The following KCNH1 variants were observed in gnomAD, a reference collection of about 807,000 sequenced individuals.
KCNH1 encodes the protein voltage-gated delayed rectifier potassium channel KCNH1.
A neutral mutation model predicts 69.2 loss-of-function variants in KCNH1; 27 were observed. The observed-to-expected ratio is 0.39, with a 90% CI of 0.29 to 0.54. The LOEUF (loss-of-function observed/expected upper bound fraction) is 0.54. Among genes scored for constraint, KCNH1 ranks in the 20% least tolerant of loss-of-function variants. KCNH1 has a pLI of 0.68. For missense variants in KCNH1, 798 were observed against 1,261.6 expected (o/e 0.63, Z 5.57); for synonymous variants, 456 against 487.7 (o/e 0.93, Z 0.86).
intron 7 of KCNH1, among the ~76,000 whole-genome samples, chr1:210,871,408 G>A (rs1418607994): frequency 6.6e-6 from 1 of 152,218 alleles, no homozygotes; most frequent in Non-Finnish European, 1.5e-5. Context: ...AACAACAACT[G>A]CTGGAGAGGA....
intron 7 of KCNH1, among the ~76,000 whole-genome samples, chr1:210,908,500 C>T (rs186397516): frequency 3.9e-5 from 6 of 152,108 alleles, no homozygotes; most frequent in Non-Finnish European, 8.8e-5. Flanking sequence ...GCCTGTGCCC[C>T]GCCTCTCTGC....
intron 10 of KCNH1, among the ~76,000 whole-genome samples, chr1:210,687,363 C>T (rs1293950404): frequency 6.6e-6 from 1 of 152,194 alleles, no homozygotes; most frequent in African/African-American, 2.4e-5. Context: ...GAGTGGTCGA[C>T]GTGGGCAGTT....
intron 7 of KCNH1, among the ~76,000 whole-genome samples, chr1:210,812,037 A>G (rs1042406217): frequency 6.6e-6 from 1 of 152,186 alleles, no homozygotes; most frequent in Non-Finnish European, 1.5e-5. Flanking sequence ...ACAAGATCCC[A>G]GGTGATACTT....
intron 10 of KCNH1, among the ~76,000 whole-genome samples, chr1:210,694,186 A>T (rs1213919211): frequency 6.6e-6 from 1 of 150,570 alleles, no homozygotes; most frequent in Non-Finnish European, 1.5e-5. Flanking sequence ...AATGAAGACC[A>T]TGCCGGTAAA....
At chr1:210,807,654 T>C (rs948716417) in intron 7 of KCNH1, among the ~76,000 whole-genome samples, 7 of 151,918 alleles carry the variant, frequency 4.6e-5, no homozygotes, top group Admixed American at 4.6e-4. Flanking sequence ...ATAATAATAA[T>C]GTTACAGAAA....
chr1:210,843,251 T>C (rs1398083266), intron 7 of KCNH1, among the ~76,000 whole-genome samples: 4 of 152,198 alleles, frequency 2.6e-5, no homozygotes, highest in Non-Finnish European at 5.9e-5. Flanking sequence ...GTGGCGCTTC[T>C]AGACCACTGG....
At chr1:210,987,904 A>G (rs4951700) in intron 6 of KCNH1, among the ~76,000 whole-genome samples, 108,099 of 152,118 alleles carry the variant, frequency 0.71, 39,363 homozygotes, top group African/African-American at 0.87. Flanking sequence ...AGGCAGGCAG[A>G]CCTCCTTGAG....
intron 6 of KCNH1, among the ~76,000 whole-genome samples, chr1:211,017,044 AC>A (rs1689505670): frequency 1.3e-5 from 2 of 151,990 alleles, no homozygotes; most frequent in East Asian, 3.9e-4. Context: ...CACACAAGCT[AC>A]CCCAGAGAAT....
intron 5 of KCNH1, among the ~76,000 whole-genome samples, chr1:211,057,630 C>T (rs780952512): frequency 6.6e-6 from 1 of 151,382 alleles, no homozygotes; most frequent in African/African-American, 2.4e-5. Flanking sequence ...CAGAGAAAGA[C>T]CCTGTCCCAA....
chr1:210,685,829 C>T (rs1327057093), intron 10 of KCNH1, among the ~76,000 whole-genome samples: 1 of 152,150 alleles, frequency 6.6e-6, no homozygotes, highest in Non-Finnish European at 1.5e-5. Flanking sequence ...TTTATAGTGC[C>T]CAACACAGAG....
chr1:210,993,962 AAAAG>A (rs1235251587), intron 6 of KCNH1, among the ~76,000 whole-genome samples: 1 of 146,596 alleles, frequency 6.8e-6, no homozygotes, highest in Non-Finnish European at 1.5e-5. Context: ...ACGTTCAAAG[AAAAG>A]AAAAAATGTA....
intron 7 of KCNH1, among the ~76,000 whole-genome samples, chr1:210,877,949 C>T (rs996604995): frequency 1.3e-5 from 2 of 152,088 alleles, no homozygotes; most frequent in Non-Finnish European, 2.9e-5. Context: ...ATAACAAAGT[C>T]ACCTAACTCT....
At chr1:210,691,409 ACATT>A (rs59719073) in intron 10 of KCNH1, among the ~76,000 whole-genome samples, 4,048 of 152,308 alleles carry the variant, frequency 0.027, 74 homozygotes, top group Middle Eastern at 0.034. Flanking sequence ...GCAGGTGGGT[ACATT>A]ATTATCCTCA....
At chr1:210,963,516 A>C (rs567265971) in intron 6 of KCNH1, among the ~76,000 whole-genome samples, 10 of 152,246 alleles carry the variant, frequency 6.6e-5, no homozygotes, top group African/African-American at 2.4e-4. Context: ...ATTCTAACCA[A>C]ATGCAAGGAA....
At chr1:210,995,311 C>A (rs765977857) in intron 6 of KCNH1, among the ~76,000 whole-genome samples, 26 of 152,316 alleles carry the variant, frequency 1.7e-4, no homozygotes, top group Non-Finnish European at 2.6e-4. Flanking sequence ...AGCAGCCATT[C>A]TGTGACTGCA....
intron 7 of KCNH1, among the ~76,000 whole-genome samples, chr1:210,833,072 C>G (rs901255476): frequency 1.3e-5 from 2 of 151,774 alleles, no homozygotes; most frequent in East Asian, 1.9e-4. Flanking sequence ...TGTAAACAGT[C>G]CCTGGGAAGA....
chr1:210,835,108 C>T (rs1255237816), intron 7 of KCNH1, among the ~76,000 whole-genome samples: 2 of 152,134 alleles, frequency 1.3e-5, no homozygotes, highest in Non-Finnish European at 2.9e-5. Flanking sequence ...TTTGTTTCTT[C>T]TAATAAGTAA....
At position 210,919,791 on chromosome 1, in the gene KCNH1, T is replaced by G; in HGVS notation, c.1311A>C (p.Ser437=). The change falls in exon 7 of 11, where the codon TCA becomes TCC. Residue 437 remains serine, a synonymous_variant. Coordinates refer to ENST00000271751, the MANE Select transcript of KCNH1 (RefSeq NM_172362.3). The surrounding 1 kb of genome is among the most constrained non-coding windows in gnomAD (Gnocchi z 4.2). ...TGCTGGGACCACCTTCCCACTTCCC[T>G]GAGCCAGACCCATTAAACTGGTAAG... ...GTPYQFNGSG[S]GKWEGGPSKN... The G allele has an allele frequency of 6.2e-7, 1 of 1,614,106 alleles. No homozygotes were observed. Among genetic ancestry groups the G allele is most frequent in the Non-Finnish European group, 8.5e-7 (1 of 1,179,954 alleles).
In KCNH1 at chr1:211,085,540, A is replaced by C. The variant is rs1690936986; in HGVS notation, c.440-2642T>G. Among the ~76,000 whole-genome samples, 3 of 151,998 alleles carry C rather than the reference A, an allele frequency of 2.0e-5. No individual in the cohort carries two copies. The South Asian group carries it at 6.2e-4, about 32-fold the overall frequency. ...ATGTCAGCACAACAGGCAAGAGACC[A>C]TGTGGGCCTGGACCAATGCTGTGGC... On this transcript the variant is annotated intron_variant, in intron 4 of 10. Coordinates refer to ENST00000271751, the MANE Select transcript of KCNH1 (RefSeq NM_172362.3).
Sources: gnomAD v4.1 joint callset for allele counts (sites outside exome capture counted in the v4.1 genomes callset) on GRCh38, gnomAD v4.1.1 for gene constraint, Gnocchi (gnomAD v3.1) non-coding constraint, MANE v1.5 for transcripts, NCBI Gene and HGNC (gene_info 2026-07-23, HGNC 2026-07-21) for gene names.